Variants in ZNF862 observed in about 807,000 individuals in gnomAD.
ZNF862 encodes zinc finger protein 862.
In ZNF862, 64 loss-of-function variants were observed where a neutral mutation model predicts 91.1. The ratio of observed to expected loss-of-function variants is 0.70; its 90% CI spans 0.57 to 0.87. The LOEUF is 0.87. Among genes scored for constraint, ZNF862 ranks in the 40% least tolerant of loss-of-function variants. The pLI is 0.00. For synonymous variants in ZNF862, 631 were observed against 618.1 expected (o/e 1.02, Z -0.31); for missense variants, 1,459 against 1,528.0 (o/e 0.95, Z 0.75).
At position 149,848,315 on chromosome 7, in the gene ZNF862, T is replaced by C; in HGVS notation, c.822T>C (p.Ile274=). The C allele has an allele frequency of 6.2e-7, 1 of 1,607,900 alleles. No individual in the cohort carries two copies. The highest frequency in any genetic ancestry group is 1.7e-5 in the Admixed American group (1 of 59,200). ...ELEDPGGDGA[I]PAMYLDCISD... is the part of the protein sequence containing the mutation. ...AGGACCCTGGGGGGGATGGAGCAATTCCTGCAATGTATCTAGACTGCATTT... is the reference window on the plus strand; with the variant it reads ...AGGACCCTGGGGGGGATGGAGCAATCCCTGCAATGTATCTAGACTGCATTT... Residue 274 remains isoleucine, a synonymous_variant, in exon 4 of 8, where the codon ATT becomes ATC. Transcript: ENST00000223210.
chr7:149,858,037 T>C (rs58217252), intron 5 of ZNF862, among the ~76,000 whole-genome samples: 3,587 of 152,232 alleles, frequency 0.024, 123 homozygotes, highest in African/African-American at 0.081. Context: ...GTTTCCTGGT[T>C]TCCCGGAATA....
At chr7:149,843,325 G>A (rs1801767168) in intron 1 of ZNF862, among the ~76,000 whole-genome samples, 1 of 152,078 alleles carries the variant, frequency 6.6e-6, no homozygotes, top group South Asian at 2.1e-4. Flanking sequence ...TGAGAAGTTT[G>A]TTTTTTGTTG....
chr7:149,840,056 G>T (rs1404290076), intron 1 of ZNF862, among the ~76,000 whole-genome samples: 1 of 151,864 alleles, frequency 6.6e-6, no homozygotes, highest in Non-Finnish European at 1.5e-5. Context: ...CCGCTCTCAC[G>T]TACAATCCCC....
intron 1 of ZNF862, among the ~76,000 whole-genome samples, chr7:149,843,223 C>T (rs1325262331): frequency 6.6e-6 from 1 of 152,154 alleles, no homozygotes; most frequent in Non-Finnish European, 1.5e-5. Flanking sequence ...ATATCATTTT[C>T]CTCAAGAAAT....
At position 149,848,289 on chromosome 7, in the gene ZNF862, G is replaced by C. The variant is rs1321458408; in HGVS notation, c.796G>C (p.Glu266Gln). Residue 266 changes from glutamate to glutamine, a missense_variant, in exon 4 of 8, where the codon GAG becomes CAG. Glu to Gln is a conservative substitution (Grantham distance 29, BLOSUM62 2). Coordinates refer to ENST00000223210, the MANE Select transcript of ZNF862 (RefSeq NM_001099220.3). ...CCTGCCAAGTTCAAGAGCTGAACTA[G>C]AGGACCCTGGGGGGGATGGAGCAAT... is the stretch of plus-strand genomic sequence containing the variant. ...ELLPSSRAEL[E>Q]DPGGDGAIPA... The C allele has an allele frequency of 6.2e-7, 1 of 1,610,422 alleles. No individual in the cohort carries two copies. Among genetic ancestry groups the C allele is most frequent in the South Asian group, 1.1e-5 (1 of 90,402 alleles).
Position 149,861,457 on chromosome 7 carries a change from A to G in ZNF862, c.2297A>G (p.Glu766Gly), listed in dbSNP as rs1197434102. Residue 766 changes from glutamate to glycine, a missense_variant, in exon 7 of 8, where the codon GAG (glutamate) becomes GGG (glycine). Physicochemically the swap from Glu to Gly is moderately conservative, Grantham distance 98. Transcript: ENST00000223210. This position sits in a 1 kb window ranked among gnomAD's most constrained non-coding sequence, Gnocchi z 6.7. ...FYQSSNKRLN[E>G]LQEGAAPLEQ... The stretch of plus-strand genomic sequence containing the variant: ...CAGTCCTCAAACAAGAGGCTGAACG[A>G]GCTGCAGGAAGGTGCGGCGCCTCTG... 6.2e-7 allele frequency: 1 copy of G among 1,613,502 alleles called. No homozygotes were observed. The highest frequency in any genetic ancestry group is 2.2e-5 in the East Asian group (1 of 44,874).
intron 5 of ZNF862, chr7:149,856,462 C>T (rs1586061315): frequency 6.6e-6 from 1 of 152,246 alleles, no homozygotes; most frequent in East Asian, 1.9e-4. Flanking sequence ...GATGGTGTTG[C>T]CTTCATTGTC....
chr7:149,861,353 G>A lies in ZNF862; in HGVS notation c.2193G>A (p.Leu731=). 6.2e-7 allele frequency: 1 copy of A among 1,613,094 alleles called. No individual in the cohort carries two copies. The highest frequency in any genetic ancestry group is 1.3e-5 in the African/African-American group (1 of 75,074). The change falls in exon 7 of 8, where the codon CTG becomes CTA. Residue 731 remains leucine (L), a synonymous_variant. Transcript: ENST00000223210. The surrounding 1 kb of genome is among the most constrained non-coding windows in gnomAD (Gnocchi z 6.7). ...ACTGCGTGGCCCACCGGCTGCACCT[G>A]GCTGTGGTGGACGCCTGCGGGAGCA... ...PVHCVAHRLH[L]AVVDACGSID...
intron 1 of ZNF862, among the ~76,000 whole-genome samples, chr7:149,843,527 A>G (rs1801773296): frequency 6.6e-6 from 1 of 151,624 alleles, no homozygotes; most frequent in East Asian, 1.9e-4. Flanking sequence ...TTTTTTCTCC[A>G]TGCCTTCCCT....
At position 149,848,275 on chromosome 7, in the gene ZNF862, C is replaced by G. The variant is rs1409958931; in HGVS notation, c.782C>G (p.Ser261Ter). Residue 261 changes from serine to a stop codon, truncating the protein, a stop_gained, in exon 4 of 8, where the codon TCA (serine) becomes TGA (stop). Transcript: ENST00000223210. LOFTEE classifies it high-confidence loss of function. ...AGCATGGCTGAGCTCCTGCCAAGTT[C>G]AAGAGCTGAACTAGAGGACCCTGGG... ...FDSMAELLPS[S>*]RAELEDPGGD... 6.2e-7 allele frequency: 1 copy of G among 1,611,744 alleles called. No homozygotes were observed. Among genetic ancestry groups the G allele is most frequent in the East Asian group, 2.2e-5 (1 of 44,860 alleles).
At position 149,850,395 on chromosome 7, in the gene ZNF862, A is replaced by G. The variant is rs1802029572; in HGVS notation, c.1117+57A>G. Reference sequence around the variant, plus strand: ...CCTCCTTTGACTTGGGAAGCCCACAAGGGGAGCTGTGGCTTGTGGTTATCT... The same window carrying G: ...CCTCCTTTGACTTGGGAAGCCCACAGGGGGAGCTGTGGCTTGTGGTTATCT... On this transcript the variant is annotated intron_variant, in intron 5 of 7. Transcript: ENST00000223210. The surrounding 1 kb of genome is among the most constrained non-coding windows in gnomAD (Gnocchi z 4.2). The G allele has an allele frequency of 1.3e-6, 2 of 1,540,684 alleles. No homozygotes were observed. Among genetic ancestry groups the G allele is most frequent in the Admixed American group, 3.6e-5 (2 of 55,398 alleles).
At chr7:149,844,113 A>C (rs1300304160) in intron 1 of ZNF862, among the ~76,000 whole-genome samples, 1 of 152,002 alleles carries the variant, frequency 6.6e-6, no homozygotes, top group Non-Finnish European at 1.5e-5. Flanking sequence ...ACACTTTCTG[A>C]ACTCCCTACC....
chr7:149,840,186 G>GAA (rs2098551220), intron 1 of ZNF862, among the ~76,000 whole-genome samples: 3 of 2,392 alleles, frequency 1.3e-3, no homozygotes, highest in Admixed American at 4.3e-3. Flanking sequence ...AGCTTAAAAA[G>GAA]TAAAAAAAAA....
Position 149,846,175 on chromosome 7 carries a change from T to A in ZNF862, c.161T>A (p.Leu54Gln), listed in dbSNP as rs775653496. The part of the protein sequence containing the change: ...PLGPTVANPE[L>Q]FRKFGRGPEP... ...GGACCAACTGTTGCCAATCCTGAGCTGTTCCGCAAGTTCGGACGAGGGCCA... is the reference window on the plus strand; with the variant it reads ...GGACCAACTGTTGCCAATCCTGAGCAGTTCCGCAAGTTCGGACGAGGGCCA... Residue 54 changes from leucine (L) to glutamine (Q), a missense_variant, in exon 3 of 8, where the codon CTG (leucine) becomes CAG (glutamine). Transcript: ENST00000223210. 1.8e-5 allele frequency: 29 copies of A among 1,613,516 alleles called. No individual in the cohort carries two copies. Among genetic ancestry groups the A allele is most frequent in the African/African-American group, 2.7e-5 (2 of 74,864 alleles).
chr7:149,862,266 A>G lies in ZNF862; in HGVS notation c.3106A>G (p.Thr1036Ala). The G allele has an allele frequency of 6.2e-7, 1 of 1,613,512 alleles. No individual in the cohort carries two copies. The highest frequency in any genetic ancestry group is 8.5e-7 in the Non-Finnish European group (1 of 1,179,798). The change falls in exon 7 of 8, where the codon ACC becomes GCC. Residue 1036 changes from threonine to alanine, a missense_variant. Coordinates refer to ENST00000223210, the MANE Select transcript of ZNF862 (RefSeq NM_001099220.3). ...CGTGGTGGTCTGTGTGCCCATCTCCACCTCTTGCTGTGAGCGGGGGTTCAA... is the reference window on the plus strand; with the variant it reads ...CGTGGTGGTCTGTGTGCCCATCTCCGCCTCTTGCTGTGAGCGGGGGTTCAA... ...MAVVVCVPIS[T>A]SCCERGFKAM...
chr7:149,860,356 C>G (rs1196394861), intron 6 of ZNF862, 27 bp from the exon 7 acceptor site: 1 of 1,585,510 alleles, frequency 6.3e-7, no homozygotes. Flanking sequence ...GGTAGCAGAA[C>G]CAAGCATGAT....
rs1586052124 is a variant in ZNF862 at position 149,850,758 on chromosome 7, G to A, written c.1117+420G>A. 2 of 165,052 alleles carry A rather than the reference G, an allele frequency of 1.2e-5. No homozygotes were observed. The highest frequency in any genetic ancestry group is 4.8e-5 in the African/African-American group (2 of 41,670). The allele number at this position is 165,052 out of a possible 1,614,324, so 10.2% of individuals were successfully genotyped here. A position where few individuals can be genotyped will look rare whatever the true frequency, so the allele number is the denominator to read the frequency against. On this transcript the variant is annotated intron_variant, in intron 5 of 7. Transcript: ENST00000223210. The surrounding 1 kb of genome is among the most constrained non-coding windows in gnomAD (Gnocchi z 4.2). The stretch of plus-strand genomic sequence containing the variant: ...TTGATTTCCTGGGCATTGGTGGGAG[G>A]AATCAGGAAGCCTTTATAGAGTAGG...
At chr7:149,838,740 G>A in intron 1 of ZNF862, 105 bp downstream of exon 1, 1 of 750,428 alleles carries the variant, frequency 1.3e-6, no homozygotes, top group Non-Finnish European at 1.8e-6. Flanking sequence ...GATGAGCCAG[G>A]CTTGCAGGGA....
In ZNF862 at chr7:149,838,583, G is replaced by T; in HGVS notation, c.-29G>T. 1.6e-6 allele frequency: 2 copies of T among 1,215,356 alleles called. No individual in the cohort carries two copies. Among genetic ancestry groups the T allele is most frequent in the South Asian group, 8.4e-5 (2 of 23,894 alleles). The allele number at this position is 1,215,356 out of a possible 1,614,324, so 75.3% of individuals were successfully genotyped here. On this transcript the variant is annotated 5_prime_UTR_variant, in exon 1 of 8. Coordinates refer to ENST00000223210, the MANE Select transcript of ZNF862 (RefSeq NM_001099220.3). ...CCTCAGGCCAGGCCGCGGGGGGAGG[G>T]GGCGGCACGGGCCTCCGAAAGCGGG...
Sources: allele counts gnomAD v4.1 joint callset (sites outside exome capture counted in the v4.1 genomes callset), GRCh38; gene constraint gnomAD v4.1.1; non-coding constraint Gnocchi (gnomAD v3.1); transcripts MANE v1.5; gene names NCBI Gene and HGNC (gene_info 2026-07-23, HGNC 2026-07-21).